LRRC4C: variants seen among roughly 807,000 people sequenced by gnomAD.
LRRC4C encodes leucine-rich repeat-containing protein 4C.
Under a neutral mutation model 33.6 loss-of-function variants are expected in LRRC4C, and 5 were observed. The ratio of observed to expected loss-of-function variants is 0.15; its 90% CI spans 0.08 to 0.31. LRRC4C has a LOEUF of 0.31. LRRC4C is among the 10% of genes least tolerant of loss of function. The probability of loss-of-function intolerance (pLI) is 1.00; values close to 1 mark genes in which losing one functional copy is unlikely to be tolerated. For synonymous variants in LRRC4C, 329 were observed against 302.0 expected (o/e 1.09, Z -0.93); for missense variants, 560 against 796.7 (o/e 0.70, Z 3.58).
chr11:40,646,411 G>A (rs957800945), intron 3 of LRRC4C, among the ~76,000 whole-genome samples: 1 of 152,040 alleles, frequency 6.6e-6, no homozygotes, highest in Non-Finnish European at 1.5e-5. Flanking sequence ...TCTTAATTTG[G>A]TTTCAGTTCC....
chr11:40,138,020 C>T (rs1857102770), intron 6 of LRRC4C, among the ~76,000 whole-genome samples: 3 of 152,176 alleles, frequency 2.0e-5, no homozygotes, highest in Admixed American at 2.0e-4. Context: ...ACAACAACCC[C>T]ATGAAGAACA....
At chr11:41,260,115 G>T (rs952650789) in intron 1 of LRRC4C, among the ~76,000 whole-genome samples, 4 of 151,946 alleles carry the variant, frequency 2.6e-5, no homozygotes, top group Non-Finnish European at 4.4e-5. Flanking sequence ...TTTTCATAGG[G>T]ATATGCTGCC....
intron 2 of LRRC4C, among the ~76,000 whole-genome samples, chr11:40,786,650 A>C (rs756621577): frequency 6.6e-6 from 1 of 152,198 alleles, no homozygotes; most frequent in African/African-American, 2.4e-5. Context: ...ATGAAAGTGG[A>C]GTAAAAATTT....
At chr11:40,513,272 A>G (rs1955415621) in intron 3 of LRRC4C, among the ~76,000 whole-genome samples, 1 of 151,610 alleles carries the variant, frequency 6.6e-6, no homozygotes, top group African/African-American at 2.4e-5. Flanking sequence ...AAAAAAAAGA[A>G]AAGAAAGAAA....
At position 40,760,872 on chromosome 11, in the gene LRRC4C, TTATATATAA is replaced by T. The variant is rs913366270; in HGVS notation, c.-406-112603_-406-112595del. Among the ~76,000 whole-genome samples the T allele has an allele frequency of 8.2e-5, 12 of 146,610 alleles. No homozygotes were observed. The East Asian group carries it at 2.4e-3, about 29-fold the overall frequency. Reference sequence around the variant, plus strand: ...ACATATATGTATATATGTATGTATATTATATATAATATATATATATAAATATATATTATA... The same window carrying T: ...ACATATATGTATATATGTATGTATATTATATATATATAAATATATATTATA... On this transcript the variant is annotated intron_variant, in intron 2 of 6. Coordinates refer to ENST00000528697, the MANE Select transcript of LRRC4C (RefSeq NM_001258419.2).
chr11:40,620,813 C>G (rs1260562293), intron 3 of LRRC4C, among the ~76,000 whole-genome samples: 1 of 151,790 alleles, frequency 6.6e-6, no homozygotes, highest in Non-Finnish European at 1.5e-5. Flanking sequence ...CGCTGAGTAA[C>G]TTTTCATTGG....
At chr11:40,724,086 A>T (rs890933878) in intron 2 of LRRC4C, among the ~76,000 whole-genome samples, 1 of 151,784 alleles carries the variant, frequency 6.6e-6, no homozygotes, top group Non-Finnish European at 1.5e-5. Flanking sequence ...ATACACAACC[A>T]ATATCGGAGC....
rs1938019934 is a variant in LRRC4C at position 41,064,129 on chromosome 11, C to T, written c.-495-130406G>A. The stretch of plus-strand genomic sequence containing the variant: ...ATTCTTAATTTTTAATTGCTTGAAA[C>T]ACTTACAACTAATTATTTATTTACC... On this transcript the variant is annotated intron_variant, in intron 1 of 6. Coordinates refer to ENST00000528697, the MANE Select transcript of LRRC4C (RefSeq NM_001258419.2). Among the ~76,000 whole-genome samples the T allele has an allele frequency of 2.0e-5, 3 of 152,346 alleles. No homozygotes were observed. The South Asian group carries it at 6.2e-4, about 32-fold the overall frequency.
intron 1 of LRRC4C, among the ~76,000 whole-genome samples, chr11:41,225,713 T>C (rs1237523614): frequency 2.0e-5 from 3 of 152,304 alleles, no homozygotes; most frequent in South Asian, 4.1e-4. Flanking sequence ...ATTTGATCTT[T>C]TTTCAGTTAA....
chr11:40,986,758 C>T (rs1248135905), intron 1 of LRRC4C, among the ~76,000 whole-genome samples: 2 of 152,052 alleles, frequency 1.3e-5, no homozygotes, highest in Non-Finnish European at 2.9e-5. Context: ...GAGTATTTTC[C>T]ACTAACCTTG....
intron 1 of LRRC4C, among the ~76,000 whole-genome samples, chr11:41,439,312 T>A (rs2138510196): frequency 6.6e-6 from 1 of 152,324 alleles, no homozygotes; most frequent in South Asian, 2.1e-4. Context: ...CATTACTTTA[T>A]TATTGTGAAT....
intron 1 of LRRC4C, among the ~76,000 whole-genome samples, chr11:41,183,564 G>C (rs1275736675): frequency 6.6e-6 from 1 of 152,230 alleles, no homozygotes; most frequent in African/African-American, 2.4e-5. Flanking sequence ...CCAGGGTCTT[G>C]GGAAGCTCCA....
At chr11:40,978,619 T>A (rs572780915) in intron 1 of LRRC4C, among the ~76,000 whole-genome samples, 151 of 150,508 alleles carry the variant, frequency 1.0e-3, no homozygotes, top group Non-Finnish European at 1.9e-3. Flanking sequence ...CTCTTTCTTT[T>A]TACTGTTTTT....
Position 41,153,048 on chromosome 11 carries a change from C to T in LRRC4C, c.-495-219325G>A, listed in dbSNP as rs115100606. Among the ~76,000 whole-genome samples, 1,235 of 152,236 alleles carry T rather than the reference C, an allele frequency of 8.1e-3. 17 individuals are homozygous for T. The highest frequency in any genetic ancestry group is 0.028 in the African/African-American group (1,150 of 41,544). On this transcript the variant is annotated intron_variant, in intron 1 of 6. Coordinates refer to ENST00000528697, the MANE Select transcript of LRRC4C (RefSeq NM_001258419.2). Reference sequence around the variant, plus strand: ...CCACCAACTCCATCTCATACTCTTACGTGAATCACGTCACTTGTAGCTTCC... The same window carrying T: ...CCACCAACTCCATCTCATACTCTTATGTGAATCACGTCACTTGTAGCTTCC...
At chr11:40,231,665 A>C (rs1262773249) in intron 5 of LRRC4C, among the ~76,000 whole-genome samples, 5 of 152,182 alleles carry the variant, frequency 3.3e-5, no homozygotes, top group African/African-American at 1.2e-4. Context: ...TTAGACATAT[A>C]AACAGGTTTA....
At chr11:40,402,314 G>A (rs928841646) in intron 3 of LRRC4C, among the ~76,000 whole-genome samples, 13 of 151,984 alleles carry the variant, frequency 8.6e-5, no homozygotes, top group East Asian at 3.9e-4. Context: ...TAATCAGTTC[G>A]TGTTTTTGTA....
At chr11:41,133,429 G>T (rs1386406) in intron 1 of LRRC4C, among the ~76,000 whole-genome samples, 147,272 of 151,028 alleles carry the variant, frequency 0.98, 71,928 homozygotes, top group East Asian at 1. Context: ...ATACTCAGTT[G>T]CCTTGAATGT....
At chr11:41,011,282 A>T (rs1372976158) in intron 1 of LRRC4C, among the ~76,000 whole-genome samples, 1 of 152,076 alleles carries the variant, frequency 6.6e-6, no homozygotes, top group Non-Finnish European at 1.5e-5. Flanking sequence ...ATTCACTATA[A>T]TGTTATTTTT....
chr11:41,325,898 A>T (rs1014899847), intron 1 of LRRC4C, among the ~76,000 whole-genome samples: 2 of 152,254 alleles, frequency 1.3e-5, no homozygotes, highest in Admixed American at 1.3e-4. Context: ...CAGAAAAGAT[A>T]ACTATTAGGT....
Sources: allele counts gnomAD v4.1 joint callset (sites outside exome capture counted in the v4.1 genomes callset), GRCh38; gene constraint gnomAD v4.1.1; transcripts MANE v1.5; gene names NCBI Gene and HGNC (gene_info 2026-07-23, HGNC 2026-07-21).